Variants in ITGB1BP1 observed in about 807,000 individuals in gnomAD.
ITGB1BP1 encodes integrin subunit beta 1 binding protein 1.
In ITGB1BP1, 20 loss-of-function variants were observed where a neutral mutation model predicts 28.0. The observed-to-expected ratio is 0.71, with a 90% CI of 0.50 to 1.04. ITGB1BP1 has a LOEUF of 1.04. Ranked by LOEUF, ITGB1BP1 falls within the 50% of genes least tolerant of loss-of-function variation. The probability of loss-of-function intolerance (pLI) is 0.00; values close to 1 mark genes in which losing one functional copy is unlikely to be tolerated. For synonymous variants in ITGB1BP1, 103 were observed against 89.5 expected, an observed-to-expected ratio of 1.15 and a Z score of -0.85; for missense variants, 228 against 242.5, an observed-to-expected ratio of 0.94 and a Z score of 0.40.
At chr2:9,407,374 C>G in intron 6 of ITGB1BP1, 75 bp downstream of exon 6, 1 of 1,500,782 alleles carries the variant, frequency 6.7e-7, no homozygotes, top group Admixed American at 1.7e-5. Context: ...TGTATTTCTT[C>G]AGCCTTCAAA....
Position 9,407,256 on chromosome 2 carries a change from T to C in ITGB1BP1, c.531+193A>G, listed in dbSNP as rs1677584325. ...TCCCGGCACAAGCGAGTGCTGCCAC[T>C]GGCCCTAACAAATATTTCACAAACC... On this transcript the variant is annotated intron_variant, in intron 6 of 6. Coordinates refer to ENST00000355346, the MANE Select transcript of ITGB1BP1 (RefSeq NM_004763.5). The C allele has an allele frequency of 4.7e-6, 3 of 632,330 alleles. No individual in the cohort carries two copies. In the East Asian group the frequency reaches 8.2e-5, roughly 17 times the overall value. The allele number at this position is 632,330 out of a possible 1,614,324, so 39.2% of individuals were successfully genotyped here.
intron 2 of ITGB1BP1, among the ~76,000 whole-genome samples, chr2:9,414,495 C>A (rs1572713111): frequency 6.6e-6 from 1 of 152,208 alleles, no homozygotes; most frequent in Non-Finnish European, 1.5e-5. Context: ...CGGATAAATG[C>A]GGTGGCAATA....
chr2:9,413,314 C>T (rs7588065), intron 3 of ITGB1BP1, among the ~76,000 whole-genome samples: 3,232 of 152,102 alleles, frequency 0.021, 133 homozygotes, highest in African/African-American at 0.074. Flanking sequence ...AGGTTAGAAA[C>T]CACCTCTTGA....
rs2148854123 is a variant in ITGB1BP1, at chr2:9,405,904, T to C, written c.*930A>G. The C allele has an allele frequency of 2.6e-5, 4 of 152,336 alleles. No individual in the cohort carries two copies. In the Middle Eastern group the frequency reaches 0.014, roughly 518 times the overall value. 9.4% of individuals were successfully genotyped at this position (152,336 alleles called of 1,614,324 possible). A position where few individuals can be genotyped will look rare whatever the true frequency, so the allele number is the denominator to read the frequency against. On this transcript the variant is annotated 3_prime_UTR_variant, in exon 7 of 7. Transcript: ENST00000355346. Reference sequence around the variant, plus strand: ...GTGTCTTAAGTTGGCAATGTCACTGTTCCAGACCAGCATGAATCCTGGTCT... The same window carrying C: ...GTGTCTTAAGTTGGCAATGTCACTGCTCCAGACCAGCATGAATCCTGGTCT...
At chr2:9,411,937 G>A in intron 4 of ITGB1BP1, 1 of 205,618 alleles carries the variant, frequency 4.9e-6, no homozygotes. Context: ...AGCTACTTGA[G>A]AGGCTGAGGC....
intron 4 of ITGB1BP1, among the ~76,000 whole-genome samples, chr2:9,409,144 C>T (rs983173929): frequency 1.3e-5 from 2 of 152,196 alleles, no homozygotes; most frequent in African/African-American, 4.8e-5. Flanking sequence ...GCTTCCCTGG[C>T]GGACGATCCG....
chr2:9,419,934 G>C, intron 1 of ITGB1BP1: 1 of 407,506 alleles, frequency 2.5e-6, no homozygotes. Context: ...AAGATAACCT[G>C]ATCAATTTTT....
chr2:9,412,224 C>T lies in ITGB1BP1; in HGVS notation c.288+45G>A, dbSNP rs1334138009. ...TTGCCCCAAAGCCATGAGTTGGCTC[C>T]CCAGACTCTCATAACCAGAGAGTTA... On this transcript the variant is annotated intron_variant, in intron 4 of 6. Transcript: ENST00000355346. 8 of 1,574,504 alleles carry T rather than the reference C, an allele frequency of 5.1e-6. No individual in the cohort carries two copies. In the African/African-American group the frequency reaches 9.4e-5, roughly 19 times the overall value.
At chr2:9,422,886 G>GT (rs1390924327) in intron 1 of ITGB1BP1, 2 of 986,174 alleles carry the variant, frequency 2.0e-6, no homozygotes, top group South Asian at 4.7e-5. Flanking sequence ...GGTCACCAGA[G>GT]TAAGGACGGA....
At chr2:9,420,543 G>A (rs1336280334) in intron 1 of ITGB1BP1, among the ~76,000 whole-genome samples, 1 of 152,192 alleles carries the variant, frequency 6.6e-6, no homozygotes, top group Non-Finnish European at 1.5e-5. Flanking sequence ...AGGAAGGGGT[G>A]GGTATTTCAG....
At chr2:9,421,706 T>G (rs1679880552) in intron 1 of ITGB1BP1, among the ~76,000 whole-genome samples, 1 of 149,290 alleles carries the variant, frequency 6.7e-6, no homozygotes, top group Non-Finnish European at 1.5e-5. Context: ...AAAAAAAAAT[T>G]ATTCATGCAT....
chr2:9,417,469 G>T (rs1328803106), intron 2 of ITGB1BP1, among the ~76,000 whole-genome samples: 1 of 151,892 alleles, frequency 6.6e-6, no homozygotes, highest in East Asian at 1.9e-4. Flanking sequence ...ACCCAGGCTG[G>T]AGTCCAGTGG....
intron 4 of ITGB1BP1, among the ~76,000 whole-genome samples, chr2:9,409,338 C>T (rs1678001968): frequency 1.3e-5 from 2 of 152,238 alleles, no homozygotes; most frequent in Non-Finnish European, 2.9e-5. Flanking sequence ...TGTTACAGTA[C>T]CCGCTTGCCA....
At chr2:9,420,597 CATAA>C (rs924778520) in intron 1 of ITGB1BP1, among the ~76,000 whole-genome samples, 2 of 152,122 alleles carry the variant, frequency 1.3e-5, no homozygotes, top group Non-Finnish European at 2.9e-5. Context: ...TGCGGGCAGC[CATAA>C]ATAGCCTGGA....
chr2:9,420,645 G>A (rs1459674433), intron 1 of ITGB1BP1, among the ~76,000 whole-genome samples: 4 of 152,204 alleles, frequency 2.6e-5, no homozygotes, highest in Admixed American at 6.5e-5. Flanking sequence ...GGGCCCGAGG[G>A]AACAGTCAAG....
chr2:9,408,016 C>A, intron 5 of ITGB1BP1, 97 bp downstream of exon 5: 1 of 711,188 alleles, frequency 1.4e-6, no homozygotes, highest in South Asian at 1.7e-5. Flanking sequence ...ACCAATCACT[C>A]TGCAAACAGG....
chr2:9,406,944 C>T, intron 6 of ITGB1BP1, 39 bp from the exon 7 acceptor site: 1 of 1,485,500 alleles, frequency 6.7e-7, no homozygotes, highest in South Asian at 1.1e-5. Context: ...CAACATTCAT[C>T]TGTCTCTTCG....
At chr2:9,418,792 T>A in intron 1 of ITGB1BP1, 60 bp from the exon 2 acceptor site, 1 of 1,257,084 alleles carries the variant, frequency 8.0e-7, no homozygotes, top group Non-Finnish European at 1.2e-6. Flanking sequence ...TTTTTTTTTT[T>A]TTAAGAGACA....
intron 4 of ITGB1BP1, among the ~76,000 whole-genome samples, chr2:9,410,577 T>C (rs1245162225): frequency 6.6e-6 from 1 of 152,170 alleles, no homozygotes; most frequent in Non-Finnish European, 1.5e-5. Context: ...GTAGCTGGGA[T>C]TATAGGCATG....
Sources: allele counts gnomAD v4.1 joint callset (sites outside exome capture counted in the v4.1 genomes callset), GRCh38; gene constraint gnomAD v4.1.1; transcripts MANE v1.5; gene names NCBI Gene and HGNC (gene_info 2026-07-23, HGNC 2026-07-21).